Variants in PARP10 observed in about 807,000 individuals in gnomAD.
PARP10 encodes protein mono-ADP-ribosyltransferase PARP10.
In PARP10, 56 loss-of-function variants were observed where a neutral mutation model predicts 82.4. The ratio of observed to expected loss-of-function variants is 0.68; its 90% CI spans 0.55 to 0.85. The LOEUF (loss-of-function observed/expected upper bound fraction) is 0.85, where lower values mean the gene tolerates loss of function less well. Among genes scored for constraint, PARP10 ranks in the 40% least tolerant of loss-of-function variants. The pLI, the probability that PARP10 is intolerant of heterozygous loss-of-function variation, is 0.00. For synonymous variants in PARP10, 576 were observed against 601.1 expected, an observed-to-expected ratio of 0.96 and a Z score of 0.61; for missense variants, 1,227 against 1,379.4, an observed-to-expected ratio of 0.89 and a Z score of 1.75.
At chr8:143,982,424 A>C (rs1833885115) in intron 9 of PARP10, among the ~76,000 whole-genome samples, 1 of 152,130 alleles carries the variant, frequency 6.6e-6, no homozygotes, top group Non-Finnish European at 1.5e-5. Context: ...CCGTGAGCCG[A>C]GATCGTGCCA....
At chr8:143,994,171 G>A (rs1834143812), upstream of PARP10, among the ~76,000 whole-genome samples, 1 of 152,186 alleles carries the variant, frequency 6.6e-6, no homozygotes, top group Non-Finnish European at 1.5e-5. Flanking sequence ...ATCTCTCAAG[G>A]CCCCTCCCCA....
chr8:143,991,415 C>T (rs1343527155), upstream of PARP10: 4 of 1,325,716 alleles, frequency 3.0e-6, no homozygotes, highest in African/African-American at 5.9e-5. Context: ...CCAGCCCCTA[C>T]CCCCAAGGGG....
upstream of PARP10, chr8:143,992,907 C>T (rs1348867954): frequency 1.3e-5 from 18 of 1,418,676 alleles, no homozygotes; most frequent in Non-Finnish European, 1.8e-5. Context: ...CCTGGCACGG[C>T]AGTGCCAGCT....
chr8:143,977,535 G>A lies in PARP10; in HGVS notation c.3027C>T (p.Arg1009=), dbSNP rs781809185. The A allele has an allele frequency of 1.3e-6, 2 of 1,562,828 alleles. No homozygotes were observed. The highest frequency in any genetic ancestry group is 1.7e-6 in the Non-Finnish European group (2 of 1,153,884). The change falls in exon 11 of 11, where the codon CGC becomes CGT. Residue 1009 remains arginine (R), a synonymous_variant. Coordinates refer to ENST00000313028, the MANE Select transcript of PARP10 (RefSeq NM_032789.5). ...THLITCEHVP[R]ASPDDPSGLP... The stretch of plus-strand genomic sequence containing the variant: ...GCCCAGAGGGGTCGTCGGGGGAAGC[G>A]CGGGGCACGTGCTCGCAGGTGATGA...
chr8:143,993,181 C>G (rs1834129479), upstream of PARP10: 1 of 318,924 alleles, frequency 3.1e-6, no homozygotes, highest in African/African-American at 2.1e-5. Flanking sequence ...GGGATTGAGC[C>G]AAGAGGTGAG....
At position 143,986,383 on chromosome 8, in the gene PARP10, C is replaced by T; in HGVS notation, c.-24G>A. 1 of 1,614,160 alleles carries T rather than the reference C, an allele frequency of 6.2e-7. No homozygotes were observed. The highest frequency in any genetic ancestry group is 8.5e-7 in the Non-Finnish European group (1 of 1,180,008). On this transcript the variant is annotated 5_prime_UTR_variant, in exon 1 of 11. An upstream open reading frame in the 5' UTR loses its in-frame stop. Coordinates refer to ENST00000313028, the MANE Select transcript of PARP10 (RefSeq NM_032789.5). ...ATTCCCCGTGGCCGCTAGGCAGCCT[C>T]AGGCCATGAGCTCAGCCAGGACTCC... is the stretch of plus-strand genomic sequence containing the variant.
intron 1 of PARP10, among the ~76,000 whole-genome samples, chr8:144,003,080 AAGAC>A (rs2133078603): frequency 1.3e-5 from 2 of 152,330 alleles, no homozygotes; most frequent in East Asian, 3.9e-4. Flanking sequence ...ACAAAGGACT[AAGAC>A]AGAACCAGGA....
chr8:143,989,516 C>T (rs1834052840), upstream of PARP10: 1 of 152,192 alleles, frequency 6.6e-6, no homozygotes, highest in African/African-American at 2.4e-5. This position sits in a 1 kb window ranked among gnomAD's most constrained non-coding sequence, Gnocchi z 4.3. Flanking sequence ...ACCCCATTTA[C>T]CTTGATGTGA....
At chr8:143,996,877 T>C (rs1834168318) in intron 1 of PARP10, among the ~76,000 whole-genome samples, 1 of 152,078 alleles carries the variant, frequency 6.6e-6, no homozygotes, top group Non-Finnish European at 1.5e-5. Context: ...GTCTGAACTG[T>C]ATATTGTAGG....
chr8:143,980,034 C>A (rs1453005039), intron 9 of PARP10, among the ~76,000 whole-genome samples: 2 of 138,900 alleles, frequency 1.4e-5, no homozygotes, highest in African/African-American at 2.7e-5. Context: ...AAAAAAAACC[C>A]GTCTCAGCCG....
upstream of PARP10, chr8:143,992,664 C>G (rs782731620): frequency 5.6e-6 from 9 of 1,613,770 alleles, no homozygotes; most frequent in South Asian, 7.7e-5. Flanking sequence ...AGGCTTGTCC[C>G]TCAACACCAC....
In PARP10 at chr8:143,997,785, T is replaced by G. The variant is rs1373186369; in HGVS notation, c.-79-11347A>C. 2.6e-5 allele frequency among the ~76,000 whole-genome samples: 4 copies of G among 151,716 alleles called. No homozygotes were observed. The East Asian group carries it at 5.8e-4, about 22-fold the overall frequency. On this transcript the variant is annotated intron_variant, in intron 1 of 3. Coordinates refer to the PARP10 transcript ENST00000530478. ...AACACATAAAATTTGCTACACAAAA[T>G]TCTTTTTTTTTTTTCCTTTTTTTTG...
In PARP10 at chr8:144,008,239, T is replaced by C. The variant is rs1479556581; in HGVS notation, c.-80+4291A>G. Among the ~76,000 whole-genome samples the C allele has an allele frequency of 1.3e-5, 2 of 152,172 alleles. No individual in the cohort carries two copies. The highest frequency in any genetic ancestry group is 4.8e-5 in the African/African-American group (2 of 41,440). ...GCGCACCCAGCATGGAGGCAGCACG[T>C]TGGGGCCTGTCAGGTGGATGGAACA... On this transcript the variant is annotated intron_variant, in intron 1 of 3. Transcript: ENST00000530478. This position sits in a 1 kb window ranked among gnomAD's most constrained non-coding sequence, Gnocchi z 4.0.
chr8:144,007,245 C>T (rs1263837646), intron 1 of PARP10, among the ~76,000 whole-genome samples: 1 of 152,200 alleles, frequency 6.6e-6, no homozygotes, highest in African/African-American at 2.4e-5. Context: ...CTAGCCAAGA[C>T]CTCAGGAGAC....
intron 9 of PARP10, 130 bp from the exon 10 acceptor site, chr8:143,978,211 C>A (rs1554746899): frequency 3.8e-6 from 4 of 1,040,484 alleles, no homozygotes; most frequent in Non-Finnish European, 5.4e-6. Flanking sequence ...CCCTTGCAGC[C>A]CCCATCATGC....
At chr8:143,981,389 ATGG>A (rs1833854593) in intron 9 of PARP10, among the ~76,000 whole-genome samples, 2 of 30,478 alleles carry the variant, frequency 6.6e-5, no homozygotes, top group African/African-American at 3.4e-4. Context: ...GGTGAAGGTG[ATGG>A]TGATGATGGT....
chr8:143,996,125 C>T (rs782435990), upstream of PARP10, among the ~76,000 whole-genome samples: 3 of 152,186 alleles, frequency 2.0e-5, no homozygotes, highest in South Asian at 2.1e-4. Flanking sequence ...AGGGTGTGGA[C>T]GCTCCCCCAC....
rs1554748127 is a variant in PARP10 at position 143,983,175 on chromosome 8, C to T, written c.2414G>A (p.Gly805Asp). ...QSLAFPLAAS[G>D]PTLAGQTLKG... is the part of the protein sequence containing the mutation. ...CCAGGAGGTAGACTCACAGGTAGGG[C>T]CTGAAGCTGCCAAGGGAAAGGCCAA... Residue 805 changes from glycine to aspartate, a missense_variant, in exon 8 of 11, where the codon GGC (glycine) becomes GAC (aspartate). By Grantham distance (94) the Gly-to-Asp change is moderately conservative (BLOSUM62 -1). Transcript: ENST00000313028. The T allele has an allele frequency of 6.2e-7, 1 of 1,613,402 alleles. No homozygotes were observed. The highest frequency in any genetic ancestry group is 1.7e-5 in the Admixed American group (1 of 60,010).
At chr8:143,979,777 G>C (rs1206560419) in intron 9 of PARP10, among the ~76,000 whole-genome samples, 1 of 152,170 alleles carries the variant, frequency 6.6e-6, no homozygotes, top group Non-Finnish European at 1.5e-5. Flanking sequence ...TGTAATCCCA[G>C]CACTTTGGGA....
Sources: allele counts gnomAD v4.1 joint callset (sites outside exome capture counted in the v4.1 genomes callset), GRCh38; gene constraint gnomAD v4.1.1; non-coding constraint Gnocchi (gnomAD v3.1); transcripts MANE v1.5; gene names NCBI Gene and HGNC (gene_info 2026-07-23, HGNC 2026-07-21).